Variants in PAK5 observed in about 807,000 individuals in gnomAD.
PAK5 encodes serine/threonine-protein kinase PAK 5.
A neutral mutation model predicts 65.9 loss-of-function variants in PAK5; 16 were observed. That is an observed-to-expected ratio of 0.24 (90% CI 0.16 to 0.37). The LOEUF (loss-of-function observed/expected upper bound fraction) is 0.37, where lower values mean the gene tolerates loss of function less well. Among genes scored for constraint, PAK5 ranks in the 10% least tolerant of loss-of-function variants. The pLI, the probability that PAK5 is intolerant of heterozygous loss-of-function variation, is 1.00. For synonymous variants in PAK5, 371 were observed against 354.9 expected (o/e 1.05, Z -0.51); for missense variants, 785 against 903.9 (o/e 0.87, Z 1.69).
chr20:9,622,046 G>A (rs1268571888), intron 3 of PAK5, among the ~76,000 whole-genome samples: 1 of 152,136 alleles, frequency 6.6e-6, no homozygotes, highest in African/African-American at 2.4e-5. Flanking sequence ...CCCCATCTGA[G>A]GTTCTGCTTC....
At chr20:9,807,330 T>C (rs960047045) in intron 1 of PAK5, among the ~76,000 whole-genome samples, 1 of 152,166 alleles carries the variant, frequency 6.6e-6, no homozygotes, top group African/African-American at 2.4e-5. Context: ...GTCATCTCCC[T>C]TTTAACAGCT....
intron 1 of PAK5, among the ~76,000 whole-genome samples, chr20:9,787,554 T>C (rs943273774): frequency 6.6e-6 from 1 of 152,114 alleles, no homozygotes; most frequent in Non-Finnish European, 1.5e-5. Context: ...TTAAACTCTC[T>C]AAGCCTCAGT....
intron 1 of PAK5, among the ~76,000 whole-genome samples, chr20:9,789,019 T>C (rs1227821920): frequency 6.6e-6 from 1 of 152,192 alleles, no homozygotes; most frequent in Non-Finnish European, 1.5e-5. Flanking sequence ...TATTGGAATA[T>C]GGGAGTCCCT....
intron 1 of PAK5, among the ~76,000 whole-genome samples, chr20:9,786,113 T>C (rs1345123298): frequency 6.6e-6 from 1 of 152,114 alleles, no homozygotes; most frequent in Non-Finnish European, 1.5e-5. Flanking sequence ...TCCAGCAGGA[T>C]GAAGACAGCA....
chr20:9,725,147 G>A (rs1159560141), intron 1 of PAK5, among the ~76,000 whole-genome samples: 1 of 152,088 alleles, frequency 6.6e-6, no homozygotes, highest in Non-Finnish European at 1.5e-5. Context: ...TGCAACACTA[G>A]ATGTATGTGC....
intron 1 of PAK5, among the ~76,000 whole-genome samples, chr20:9,713,171 C>T (rs758783102): frequency 3.3e-5 from 5 of 151,708 alleles, no homozygotes; most frequent in Non-Finnish European, 5.9e-5. Flanking sequence ...AACTCAATAG[C>T]AAATAATAAT....
intron 1 of PAK5, among the ~76,000 whole-genome samples, chr20:9,754,810 G>A (rs2048615311): frequency 6.6e-6 from 1 of 152,168 alleles, no homozygotes; most frequent in Non-Finnish European, 1.5e-5. Flanking sequence ...TAAGCAAGAT[G>A]GAGTTGGTTA....
chr20:9,739,350 A>G (rs1054633968), intron 1 of PAK5, among the ~76,000 whole-genome samples: 2 of 151,898 alleles, frequency 1.3e-5, no homozygotes, highest in African/African-American at 2.4e-5. Flanking sequence ...TCTGTATTTA[A>G]TCTCTCTTGT....
chr20:9,729,162 G>A (rs911615389), intron 1 of PAK5, among the ~76,000 whole-genome samples: 1 of 151,994 alleles, frequency 6.6e-6, no homozygotes, highest in Admixed American at 6.6e-5. Flanking sequence ...GTGAACCCAG[G>A]GGGTGGAGCT....
intron 7 of PAK5, among the ~76,000 whole-genome samples, chr20:9,554,771 A>G (rs73241763): frequency 0.012 from 1,866 of 152,338 alleles, 34 homozygotes; most frequent in African/African-American, 0.041. Context: ...ACTGGAGTCA[A>G]TATGATGCAC....
Position 9,565,903 on chromosome 20 carries a change from A to G in PAK5, c.1472T>C (p.Leu491Pro), listed in dbSNP as rs2122991483. 6.2e-7 allele frequency: 1 copy of G among 1,612,356 alleles called. No homozygotes were observed. The highest frequency in any genetic ancestry group is 1.1e-5 in the South Asian group (1 of 90,956). ...DLRKQQRREL[L>P]FNEVVIMRDY... is the part of the protein sequence containing the mutation. ...AAACACACTCTTTACCTCATTGAAAAGCAGTTCTCGTCTCTGTTGCTTCCG... is the reference window on the plus strand; with the variant it reads ...AAACACACTCTTTACCTCATTGAAAGGCAGTTCTCGTCTCTGTTGCTTCCG... Residue 491 changes from leucine to proline, a missense_variant, in exon 5 of 10, where the codon CTT becomes CCT. Leu to Pro is a moderately conservative substitution (Grantham distance 98). Transcript: ENST00000353224.
chr20:9,609,072 G>C (rs111541232), intron 3 of PAK5, among the ~76,000 whole-genome samples: 7 of 152,324 alleles, frequency 4.6e-5, no homozygotes, highest in African/African-American at 1.7e-4. Flanking sequence ...CTCAGGATGA[G>C]AGAACCGCTT....
intron 1 of PAK5, among the ~76,000 whole-genome samples, chr20:9,818,489 C>T (rs2049383554): frequency 6.6e-6 from 1 of 152,086 alleles, no homozygotes; most frequent in Admixed American, 6.6e-5. Context: ...ACTGAAACAC[C>T]CTCCATTAAC....
chr20:9,600,552 T>C (rs1040698104), intron 3 of PAK5, among the ~76,000 whole-genome samples: 1 of 152,242 alleles, frequency 6.6e-6, no homozygotes, highest in Non-Finnish European at 1.5e-5. Context: ...TATTTTAAGC[T>C]CTTTAGCTTC....
In PAK5 at chr20:9,538,882, T is replaced by C. The variant is rs10485732; in HGVS notation, c.*580A>G. 8,045 of 233,164 alleles carry C rather than the reference T, an allele frequency of 0.035. 169 individuals carry two copies. Among genetic ancestry groups the C allele is most frequent in the African/African-American group, 0.058 (2,628 of 45,398 alleles). The allele number at this position is 233,164 out of a possible 1,614,324, so 14.4% of individuals were successfully genotyped here. On this transcript the variant is annotated 3_prime_UTR_variant, in exon 10 of 10. Transcript: ENST00000353224. ...GTATTCAAAGTTCCTAAAGAATCAT[T>C]GGTTCTCTTAAAGGGATAAAAAAGT...
chr20:9,640,759 GGTGA>G (rs1395763662), intron 3 of PAK5, among the ~76,000 whole-genome samples: 10 of 152,004 alleles, frequency 6.6e-5, no homozygotes, highest in African/African-American at 1.9e-4. Context: ...AGACCTTCAC[GGTGA>G]GTGTTACAGC....
At chr20:9,643,970 G>A (rs1435748982) in intron 3 of PAK5, among the ~76,000 whole-genome samples, 155 bp downstream of exon 3, 1 of 152,212 alleles carries the variant, frequency 6.6e-6, no homozygotes, top group Admixed American at 6.5e-5. Context: ...AAGAAATGGT[G>A]AAAATTATAA....
chr20:9,599,957 C>T (rs946331045), intron 3 of PAK5, among the ~76,000 whole-genome samples: 1 of 152,024 alleles, frequency 6.6e-6, no homozygotes. Context: ...CGCCATGTTT[C>T]CTTCTAAAAG....
chr20:9,750,826 A>G (rs371049763), intron 1 of PAK5, among the ~76,000 whole-genome samples: 41 of 152,134 alleles, frequency 2.7e-4, no homozygotes, highest in African/African-American at 9.2e-4. Flanking sequence ...TACCATCCCT[A>G]TGGTCCCAAT....
Sources: gnomAD v4.1 joint callset for allele counts (sites outside exome capture counted in the v4.1 genomes callset) on GRCh38, gnomAD v4.1.1 for gene constraint, MANE v1.5 for transcripts, NCBI Gene and HGNC (gene_info 2026-07-23, HGNC 2026-07-21) for gene names.